Variants in FGF14 observed in about 807,000 individuals in gnomAD.
FGF14 encodes fibroblast growth factor homologous factor 4.
Under a neutral mutation model 25.5 loss-of-function variants are expected in FGF14, and 5 were observed. The ratio of observed to expected loss-of-function variants is 0.20; its 90% CI spans 0.10 to 0.41. FGF14 has a LOEUF of 0.41. Among genes scored for constraint, FGF14 ranks in the 10% least tolerant of loss-of-function variants. The pLI is 1.00. For missense variants in FGF14, 222 were observed against 320.1 expected (o/e 0.69, Z 2.34); for synonymous variants, 138 against 118.3 (o/e 1.17, Z -1.08).
chr13:101,888,275 C>A (rs567826761), intron 1 of FGF14, among the ~76,000 whole-genome samples: 1 of 152,054 alleles, frequency 6.6e-6, no homozygotes, highest in Non-Finnish European at 1.5e-5. Context: ...CTGCTGGTAG[C>A]GGTAACCTAT....
intron 1 of FGF14, among the ~76,000 whole-genome samples, chr13:102,019,753 T>C (rs187123577): frequency 1.2e-3 from 190 of 152,296 alleles, no homozygotes; most frequent in Non-Finnish European, 2.0e-3. Flanking sequence ...TGAAGATATG[T>C]TCCATTGCTT....
intron 2 of FGF14, among the ~76,000 whole-genome samples, chr13:101,874,584 G>A (rs2045289481): frequency 6.6e-6 from 1 of 152,104 alleles, no homozygotes; most frequent in Non-Finnish European, 1.5e-5. Context: ...AAAGAACACA[G>A]ACATTTATAC....
chr13:101,827,547 G>A (rs1431912125), intron 3 of FGF14, among the ~76,000 whole-genome samples: 1 of 151,672 alleles, frequency 6.6e-6, no homozygotes, highest in African/African-American at 2.4e-5. Flanking sequence ...GAAAGAGTAA[G>A]GCTATTCATA....
chr13:102,096,892 C>T (rs2140269355), intron 1 of FGF14, among the ~76,000 whole-genome samples: 1 of 152,280 alleles, frequency 6.6e-6, no homozygotes, highest in Admixed American at 6.5e-5. Flanking sequence ...AAATTATCCA[C>T]AAGACATGTT....
chr13:101,807,705 A>G (rs900863219), intron 3 of FGF14, among the ~76,000 whole-genome samples: 2 of 152,056 alleles, frequency 1.3e-5, no homozygotes, highest in African/African-American at 4.8e-5. Context: ...TACTTAATCT[A>G]TATCACTTCG....
intron 1 of FGF14, among the ~76,000 whole-genome samples, chr13:101,902,834 T>C (rs2031740875): frequency 6.6e-6 from 1 of 152,214 alleles, no homozygotes. Flanking sequence ...TAGCCTTCTT[T>C]CAAAGGAGGC....
chr13:101,791,201 G>T (rs2040214046), intron 3 of FGF14, among the ~76,000 whole-genome samples: 1 of 152,098 alleles, frequency 6.6e-6, no homozygotes, highest in African/African-American at 2.4e-5. Flanking sequence ...TCTGCGGATG[G>T]CACTTCCTAC....
chr13:102,194,837 AT>A (rs1198415572), intron 1 of FGF14, among the ~76,000 whole-genome samples: 1 of 152,184 alleles, frequency 6.6e-6, no homozygotes, highest in Non-Finnish European at 1.5e-5. Context: ...ACAGTAAAAG[AT>A]AAAGAGAGAA....
intron 1 of FGF14, among the ~76,000 whole-genome samples, chr13:102,313,463 G>C (rs1239469857): frequency 6.6e-6 from 1 of 152,142 alleles, no homozygotes; most frequent in African/African-American, 2.4e-5. Context: ...ATAAAAGAAT[G>C]CAGATCATCA....
chr13:101,799,188 G>A (rs780823906), intron 3 of FGF14, among the ~76,000 whole-genome samples: 2 of 152,028 alleles, frequency 1.3e-5, no homozygotes, highest in Non-Finnish European at 2.9e-5. Context: ...TTTGGGAATG[G>A]GAGGTTGGAG....
intron 1 of FGF14, among the ~76,000 whole-genome samples, chr13:102,273,279 G>A (rs112301071): frequency 1.1e-4 from 16 of 152,252 alleles, no homozygotes; most frequent in African/African-American, 2.9e-4. Context: ...TCGACTAATC[G>A]TGTTTATAGG....
At chr13:102,192,250 C>A (rs980854025) in intron 1 of FGF14, among the ~76,000 whole-genome samples, 1 of 152,188 alleles carries the variant, frequency 6.6e-6, no homozygotes, top group African/African-American at 2.4e-5. Context: ...TCTGGTCTTG[C>A]AAGATCTAAA....
intron 1 of FGF14, among the ~76,000 whole-genome samples, chr13:102,233,709 C>T (rs2051191581): frequency 6.6e-6 from 1 of 152,108 alleles, no homozygotes; most frequent in African/African-American, 2.4e-5. Context: ...ATCATACTGC[C>T]TATATAAATT....
At chr13:101,835,446 G>A (rs538072276) in intron 3 of FGF14, among the ~76,000 whole-genome samples, 13 of 152,048 alleles carry the variant, frequency 8.5e-5, no homozygotes, top group South Asian at 4.2e-4. Context: ...TTTATATGCC[G>A]TTTGCAGTGT....
chr13:101,800,112 CAGAA>C (rs1269154517), intron 3 of FGF14, among the ~76,000 whole-genome samples: 5 of 151,988 alleles, frequency 3.3e-5, no homozygotes, highest in African/African-American at 9.7e-5. Flanking sequence ...AATTTGCAGA[CAGAA>C]AGAGTGTCTC....
At chr13:101,787,882 T>G (rs2039938759) in intron 3 of FGF14, among the ~76,000 whole-genome samples, 1 of 152,116 alleles carries the variant, frequency 6.6e-6, no homozygotes, top group African/African-American at 2.4e-5. Flanking sequence ...ATTTATGTAT[T>G]TATTTTGAGA....
At chr13:101,741,653 A>G (rs2036568707) in intron 3 of FGF14, among the ~76,000 whole-genome samples, 1 of 149,820 alleles carries the variant, frequency 6.7e-6, no homozygotes, top group South Asian at 2.1e-4. Flanking sequence ...AAAAAAAAGA[A>G]TTCCATCAGA....
intron 3 of FGF14, among the ~76,000 whole-genome samples, chr13:101,805,179 A>G (rs1245937916): frequency 6.6e-6 from 1 of 152,146 alleles, no homozygotes; most frequent in Non-Finnish European, 1.5e-5. Context: ...TTGAAGCCTG[A>G]TAGGGTTGAG....
At position 102,401,566 on chromosome 13, in the gene FGF14, T is replaced by A. The variant is rs1246554087; in HGVS notation, c.113A>T (p.Lys38Ile). 1.2e-6 allele frequency: 2 copies of A among 1,614,082 alleles called. No individual in the cohort carries two copies. The highest frequency in any genetic ancestry group is 2.7e-5 in the African/African-American group (2 of 74,918). ...AATGTTCCAAAGAAACCACATTGAT[T>A]TGGGCGAAAAGCAATCCAGCAGCTT... The change falls in exon 1 of 5, where the codon AAA becomes ATA. Residue 38 changes from lysine to isoleucine, a missense_variant. By Grantham distance (102) the Lys-to-Ile change is moderately radical (BLOSUM62 -3). Coordinates refer to the FGF14 transcript ENST00000376131.
Sources: allele counts gnomAD v4.1 joint callset (sites outside exome capture counted in the v4.1 genomes callset), GRCh38; gene constraint gnomAD v4.1.1; transcripts MANE v1.5; gene names NCBI Gene and HGNC (gene_info 2026-07-23, HGNC 2026-07-21).